MCM9: variants seen among roughly 807,000 people sequenced by gnomAD.
The protein encoded by MCM9 is DNA helicase MCM9.
A neutral mutation model predicts 72.8 loss-of-function variants in MCM9; 55 were observed. The ratio of observed to expected loss-of-function variants is 0.76; its 90% confidence interval spans 0.61 to 0.95. MCM9 has a LOEUF of 0.95. Among genes scored for constraint, MCM9 ranks in the 40% least tolerant of loss-of-function variants. The probability of loss-of-function intolerance (pLI) is 0.00; values close to 1 mark genes in which losing one functional copy is unlikely to be tolerated. For missense variants in MCM9, 1,279 were observed against 1,377.0 expected (o/e 0.93, Z 1.13); for synonymous variants, 480 against 503.4 (o/e 0.95, Z 0.62).
At chr6:118,901,853 T>C (rs62424036) in intron 8 of MCM9, among the ~76,000 whole-genome samples, 1,825 of 152,288 alleles carry the variant, frequency 0.012, 25 homozygotes, top group Non-Finnish European at 0.014. Context: ...CTGACCTCTG[T>C]TTTCTCACTT....
At chr6:118,934,627 C>T (rs1393288450) in intron 1 of MCM9, among the ~76,000 whole-genome samples, 2 of 152,080 alleles carry the variant, frequency 1.3e-5, no homozygotes, top group South Asian at 2.1e-4. Context: ...CGCTCGGCTG[C>T]CCCAGGGGCG....
At position 118,815,743 on chromosome 6, in the gene MCM9, G is replaced by T. The variant is rs1773373995; in HGVS notation, c.2513C>A (p.Ser838Ter). 1 of 1,543,954 alleles carries T rather than the reference G, an allele frequency of 6.5e-7. No individual in the cohort carries two copies. The highest frequency in any genetic ancestry group is 2.4e-5 in the East Asian group (1 of 40,898). The change falls in exon 14 of 14, where the codon TCA becomes TAA. Residue 838 changes from serine (S) to a stop codon, truncating the protein, a stop_gained. Coordinates refer to ENST00000619706, the MANE Select transcript of MCM9 (RefSeq NM_017696.3). LOFTEE classifies it low-confidence loss of function (END_TRUNC). ...EAAVSADKPDSVLTHHVPRNL... is the reference protein window; with the variant it reads ...EAAVSADKPD ...CCTGGGGACATGATGAGTCAGTACT[G>T]AGTCTGGTTTATCAGCAGAGACTGC...
chr6:118,827,275 G>A (rs1774227514), intron 11 of MCM9, among the ~76,000 whole-genome samples: 1 of 152,080 alleles, frequency 6.6e-6, no homozygotes, highest in South Asian at 2.1e-4. Flanking sequence ...TCTAAATTCT[G>A]AGTATTTCTT....
At chr6:118,899,655 A>G (rs1420398794) in intron 8 of MCM9, among the ~76,000 whole-genome samples, 2 of 152,214 alleles carry the variant, frequency 1.3e-5, no homozygotes, top group Non-Finnish European at 2.9e-5. Flanking sequence ...AGAAAATAAA[A>G]AAGGAGCTTT....
At chr6:118,870,967 C>G (rs1323468018) in intron 8 of MCM9, among the ~76,000 whole-genome samples, 1 of 151,998 alleles carries the variant, frequency 6.6e-6, no homozygotes, top group Non-Finnish European at 1.5e-5. Context: ...TTAAAAGTCT[C>G]TCATCAAAGA....
chr6:118,826,359 G>C, intron 12 of MCM9, 67 bp from the exon 13 acceptor site: 1 of 1,474,004 alleles, frequency 6.8e-7, no homozygotes, highest in Non-Finnish European at 9.0e-7. Flanking sequence ...TACACTCTAG[G>C]GACCAGCAAT....
intron 9 of MCM9, among the ~76,000 whole-genome samples, chr6:118,832,026 A>AT (rs1373274930): frequency 6.6e-6 from 1 of 152,068 alleles, no homozygotes; most frequent in African/African-American, 2.4e-5. Flanking sequence ...CAGACTGCCG[A>AT]TTCTGCCTGG....
intron 9 of MCM9, among the ~76,000 whole-genome samples, chr6:118,855,807 T>A (rs369338378): frequency 2.0e-5 from 3 of 152,166 alleles, no homozygotes; most frequent in East Asian, 1.9e-4. Context: ...TGTGTGAGAT[T>A]TCTGTCTGAA....
chr6:118,894,388 C>A, intron 8 of MCM9: 2 of 1,536,964 alleles, frequency 1.3e-6, no homozygotes, highest in Non-Finnish European at 1.7e-6. Context: ...AGCCCCAGTT[C>A]CCATTGTTTG....
intron 8 of MCM9, among the ~76,000 whole-genome samples, chr6:118,895,668 AACG>A (rs1017234866): frequency 2.6e-5 from 4 of 152,186 alleles, no homozygotes; most frequent in Admixed American, 2.0e-4. Context: ...AGAAAGCTAA[AACG>A]ACAATTATCT....
At chr6:118,866,266 G>A (rs1033638878) in intron 8 of MCM9, among the ~76,000 whole-genome samples, 8 of 152,218 alleles carry the variant, frequency 5.3e-5, no homozygotes, top group Non-Finnish European at 8.8e-5. Context: ...GGGAGAGGTA[G>A]TTGTCTTATC....
chr6:118,833,402 A>G (rs1379385355), intron 9 of MCM9, among the ~76,000 whole-genome samples: 1 of 152,192 alleles, frequency 6.6e-6, no homozygotes, highest in Non-Finnish European at 1.5e-5. Flanking sequence ...TCAGTTGTAT[A>G]AAGTCACTTA....
intron 8 of MCM9, among the ~76,000 whole-genome samples, chr6:118,862,797 A>T (rs1029354866): frequency 3.3e-5 from 5 of 152,244 alleles, no homozygotes; most frequent in Non-Finnish European, 7.3e-5. Flanking sequence ...AGTACATCTG[A>T]CATCTCCTCA....
chr6:118,893,845 CA>C (rs750220069), intron 8 of MCM9, among the ~76,000 whole-genome samples: 8 of 56,730 alleles, frequency 1.4e-4, no homozygotes, highest in African/African-American at 2.8e-4. Flanking sequence ...ACCAAAAAAA[CA>C]AAAAAAAAAA....
At chr6:118,873,381 G>A (rs142543706) in intron 8 of MCM9, among the ~76,000 whole-genome samples, 3,283 of 152,078 alleles carry the variant, frequency 0.022, 54 homozygotes, top group African/African-American at 0.051. Flanking sequence ...AAAATTCATC[G>A]GCCTCTGGAC....
At chr6:118,880,472 A>G (rs1778216672) in intron 8 of MCM9, among the ~76,000 whole-genome samples, 1 of 152,212 alleles carries the variant, frequency 6.6e-6, no homozygotes, top group African/African-American at 2.4e-5. Flanking sequence ...AATCCCTTCT[A>G]AATCTGTCTC....
intron 13 of MCM9, among the ~76,000 whole-genome samples, chr6:118,816,796 G>A (rs1210201977): frequency 6.6e-6 from 1 of 152,190 alleles, no homozygotes; most frequent in Non-Finnish European, 1.5e-5. Context: ...TCTTTACCCA[G>A]TTGAGGTACT....
chr6:118,848,952 C>A (rs765067030), intron 9 of MCM9, among the ~76,000 whole-genome samples: 38 of 151,440 alleles, frequency 2.5e-4, no homozygotes, highest in Non-Finnish European at 4.7e-4. Flanking sequence ...CCTAAATGCA[C>A]AGAAAAATAA....
intron 8 of MCM9, among the ~76,000 whole-genome samples, chr6:118,873,664 C>A (rs1777756092): frequency 6.6e-6 from 1 of 152,108 alleles, no homozygotes; most frequent in Non-Finnish European, 1.5e-5. Context: ...AACACCAGGA[C>A]CAGATGGGTT....
Sources: allele counts gnomAD v4.1 joint callset (sites outside exome capture counted in the v4.1 genomes callset), GRCh38; gene constraint gnomAD v4.1.1; transcripts MANE v1.5; gene names NCBI Gene and HGNC (gene_info 2026-07-23, HGNC 2026-07-21).